TRPC4: variants seen among roughly 807,000 people sequenced by gnomAD.
The protein encoded by TRPC4 is transient receptor potential cation channel subfamily C member 4.
In TRPC4, 49 loss-of-function variants were observed where a neutral mutation model predicts 99.4. The observed-to-expected ratio is 0.49, with a 90% CI of 0.39 to 0.63. TRPC4 has a LOEUF of 0.63. Ranked by LOEUF, TRPC4 falls within the 20% of genes least tolerant of loss-of-function variation. The probability of loss-of-function intolerance (pLI) is 0.00; values close to 1 mark genes in which losing one functional copy is unlikely to be tolerated. For synonymous variants in TRPC4, 454 were observed against 425.9 expected (o/e 1.07, Z -0.81); for missense variants, 898 against 1,152.9 (o/e 0.78, Z 3.20).
chr13:37,637,244 A>G lies in TRPC4; in HGVS notation c.2593T>C (p.Phe865Leu). 6.2e-7 allele frequency: 1 copy of G among 1,613,890 alleles called. No homozygotes were observed. Among genetic ancestry groups the G allele is most frequent in the South Asian group, 1.1e-5 (1 of 91,076 alleles). The part of the protein sequence containing the change: ...NAAEQNANQI[F>L]SVSEEVARQQ... ...CGAGCAACTTCTTCTGAAACAGAGA[A>G]GATTTGGTTTGCATTTTGCTCAGCA... Residue 865 changes from phenylalanine to leucine, a missense_variant, in exon 11 of 11, where the codon TTC (phenylalanine) becomes CTC (leucine). Phe to Leu is a conservative substitution (Grantham distance 22, BLOSUM62 0). Coordinates refer to ENST00000379705, the MANE Select transcript of TRPC4 (RefSeq NM_016179.4).
chr13:37,752,236 A>G (rs1955954704), intron 2 of TRPC4, among the ~76,000 whole-genome samples: 1 of 151,498 alleles, frequency 6.6e-6, no homozygotes, highest in African/African-American at 2.4e-5. Context: ...TTCCTTAGCA[A>G]GAAGCGAATA....
chr13:37,688,962 A>G (rs1297149500), intron 4 of TRPC4, among the ~76,000 whole-genome samples: 2 of 152,208 alleles, frequency 1.3e-5, no homozygotes, highest in African/African-American at 4.8e-5. Flanking sequence ...AGACAGCAGG[A>G]CAGGACAAGA....
intron 3 of TRPC4, among the ~76,000 whole-genome samples, chr13:37,737,229 A>G (rs1463027056): frequency 1.3e-5 from 2 of 150,188 alleles, no homozygotes; most frequent in Non-Finnish European, 1.5e-5. Context: ...AAAAATAGTA[A>G]TAATAATAAT....
At chr13:37,644,455 A>G (rs1432361252) in intron 8 of TRPC4, among the ~76,000 whole-genome samples, 1 of 152,186 alleles carries the variant, frequency 6.6e-6, no homozygotes, top group East Asian at 1.9e-4. Context: ...ATCTGCATTA[A>G]CTGTGTTTTT....
In TRPC4 at chr13:37,633,655, C is replaced by T. The variant is rs543286410; in HGVS notation, c.*3248G>A. Among the ~76,000 whole-genome samples, 47 of 152,198 alleles carry T rather than the reference C, an allele frequency of 3.1e-4. No individual in the cohort carries two copies. Among genetic ancestry groups the T allele is most frequent in the African/African-American group, 1.1e-3 (45 of 41,536 alleles). ...AATTTGTTTCATCACTAAAGTATTTCAAGTTGCTGTCTACGTCAAGGCAAG... is the reference window on the plus strand; with the variant it reads ...AATTTGTTTCATCACTAAAGTATTTTAAGTTGCTGTCTACGTCAAGGCAAG... On this transcript the variant is annotated 3_prime_UTR_variant, in exon 11 of 11. Coordinates refer to ENST00000379705, the MANE Select transcript of TRPC4 (RefSeq NM_016179.4).
intron 1 of TRPC4, among the ~76,000 whole-genome samples, chr13:37,810,851 A>G (rs989999340): frequency 1.3e-5 from 2 of 152,038 alleles, no homozygotes; most frequent in African/African-American, 2.4e-5. Context: ...AAGCATAAAC[A>G]TATTACTCTA....
chr13:37,753,575 A>AAGAGAGAGAGAGAGAGAGAGAGAGAG (rs61394712), intron 2 of TRPC4, among the ~76,000 whole-genome samples: 3 of 137,248 alleles, frequency 2.2e-5, no homozygotes, highest in East Asian at 2.1e-4. Flanking sequence ...GAGAGAGAGA[A>AAGAGAGAGAGAGAGAGAGAGAGAGAG]AGAGAGAGAG....
At chr13:37,663,766 A>C in intron 5 of TRPC4, 37 bp from the exon 6 acceptor site, 1 of 1,533,966 alleles carries the variant, frequency 6.5e-7, no homozygotes. Flanking sequence ...AAGTAAAACA[A>C]ACACACGCAT....
intron 2 of TRPC4, among the ~76,000 whole-genome samples, chr13:37,766,820 T>C (rs974445835): frequency 1.3e-5 from 2 of 151,454 alleles, no homozygotes; most frequent in African/African-American, 4.8e-5. Context: ...GACTGTCTAC[T>C]CACAGGACTA....
chr13:37,707,372 A>G (rs1017180205), intron 3 of TRPC4, among the ~76,000 whole-genome samples: 1 of 152,166 alleles, frequency 6.6e-6, no homozygotes, highest in Non-Finnish European at 1.5e-5. Flanking sequence ...AGATGTAAAT[A>G]TACCCTCAAA....
intron 4 of TRPC4, among the ~76,000 whole-genome samples, chr13:37,680,424 G>A (rs541171849): frequency 6.6e-6 from 1 of 152,096 alleles, no homozygotes; most frequent in Non-Finnish European, 1.5e-5. Context: ...CTAGGTTTCC[G>A]TTCACTTCAA....
intron 1 of TRPC4, among the ~76,000 whole-genome samples, chr13:37,828,337 G>A (rs1958311255): frequency 1.3e-5 from 2 of 152,216 alleles, no homozygotes. Context: ...AAAAATAACA[G>A]ATGCTGGCGA....
chr13:37,708,581 A>G (rs1357268495), intron 3 of TRPC4, among the ~76,000 whole-genome samples: 1 of 151,786 alleles, frequency 6.6e-6, no homozygotes, highest in East Asian at 1.9e-4. Flanking sequence ...AAGGAATTCA[A>G]AAGTCACAAT....
chr13:37,650,632 CACAT>C (rs1952016612), intron 8 of TRPC4, among the ~76,000 whole-genome samples: 1 of 151,200 alleles, frequency 6.6e-6, no homozygotes, highest in Admixed American at 6.6e-5. Context: ...CACACACACA[CACAT>C]ATATATATAT....
chr13:37,686,423 G>A (rs1041683775), intron 4 of TRPC4, among the ~76,000 whole-genome samples: 5 of 142,202 alleles, frequency 3.5e-5, no homozygotes, highest in Admixed American at 6.9e-5. Context: ...ATACGTATAC[G>A]TGTGTGTGTG....
At chr13:37,689,379 G>T (rs1346748290) in intron 4 of TRPC4, among the ~76,000 whole-genome samples, 1 of 152,134 alleles carries the variant, frequency 6.6e-6, no homozygotes, top group East Asian at 1.9e-4. Context: ...TGAGAACTCA[G>T]TCTCGGATAT....
At chr13:37,818,425 AT>A (rs1957923720) in intron 1 of TRPC4, among the ~76,000 whole-genome samples, 1 of 152,108 alleles carries the variant, frequency 6.6e-6, no homozygotes, top group Admixed American at 6.6e-5. Flanking sequence ...CAGAAATACC[AT>A]TTGACCCCGC....
chr13:37,665,569 A>G (rs1243749116), intron 5 of TRPC4, among the ~76,000 whole-genome samples: 1 of 152,162 alleles, frequency 6.6e-6, no homozygotes, highest in Non-Finnish European at 1.5e-5. Context: ...TACAATAAAA[A>G]TGCTCTAAGA....
chr13:37,709,910 A>G (rs1566112911), intron 3 of TRPC4, among the ~76,000 whole-genome samples: 2 of 151,946 alleles, frequency 1.3e-5, no homozygotes, highest in Non-Finnish European at 2.9e-5. Context: ...AATTTTACCT[A>G]CTGTTATCAA....
Sources: gnomAD v4.1 joint callset for allele counts (sites outside exome capture counted in the v4.1 genomes callset) on GRCh38, gnomAD v4.1.1 for gene constraint, MANE v1.5 for transcripts, NCBI Gene and HGNC (gene_info 2026-07-23, HGNC 2026-07-21) for gene names.